SVOPL: variants seen among roughly 807,000 people sequenced by gnomAD.
SVOPL encodes SVOP like.
In SVOPL, 60 loss-of-function variants were observed where a neutral mutation model predicts 61.0. That is an observed-to-expected ratio of 0.98 (90% CI 0.80 to 1.22). The LOEUF (loss-of-function observed/expected upper bound fraction) is 1.22, where lower values mean the gene tolerates loss of function less well. Among genes scored for constraint, SVOPL ranks in the 50% most tolerant of loss-of-function variants. The pLI, the probability that SVOPL is intolerant of heterozygous loss-of-function variation, is 0.00. For missense variants in SVOPL, 662 were observed against 643.9 expected, an observed-to-expected ratio of 1.03 and a Z score of -0.30; for synonymous variants, 279 against 250.0, an observed-to-expected ratio of 1.12 and a Z score of -1.09.
chr7:138,617,713 G>A (rs529598667), intron 14 of SVOPL, among the ~76,000 whole-genome samples: 20 of 152,274 alleles, frequency 1.3e-4, no homozygotes, highest in African/African-American at 4.6e-4. Context: ...GCACATGCCT[G>A]TAGTCCCAGC....
chr7:138,668,232 T>C (rs1445552471), intron 4 of SVOPL, among the ~76,000 whole-genome samples: 1 of 152,118 alleles, frequency 6.6e-6, no homozygotes, highest in Non-Finnish European at 1.5e-5. Flanking sequence ...CTCACTGACC[T>C]TCCCCCACCC....
chr7:138,596,652 G>A, intron 14 of SVOPL, 122 bp from the exon 15 acceptor site: 1 of 1,425,814 alleles, frequency 7.0e-7, no homozygotes. Context: ...CATTCTACAG[G>A]TTGTACCTTC....
intron 14 of SVOPL, among the ~76,000 whole-genome samples, chr7:138,597,641 CGTGTGTGTGTGTGTGT>C (rs60875635): frequency 2.0e-5 from 3 of 147,618 alleles, no homozygotes; most frequent in Admixed American, 6.8e-5. Flanking sequence ...ATAACGTCTG[CGTGTGTGTGTGTGTGT>C]GTGTGTGTGT....
chr7:138,611,852 G>C (rs1217281425), intron 14 of SVOPL, among the ~76,000 whole-genome samples: 43 of 68,004 alleles, frequency 6.3e-4, no homozygotes, highest in East Asian at 1.3e-3. Context: ...CCAAAGTGCC[G>C]AGATTGCAGC....
chr7:138,640,444 T>C (rs1470016221), intron 9 of SVOPL, among the ~76,000 whole-genome samples: 1 of 152,072 alleles, frequency 6.6e-6, no homozygotes, highest in Non-Finnish European at 1.5e-5. Flanking sequence ...TTGGTCAGGC[T>C]GGTCTGAAAC....
intron 4 of SVOPL, chr7:138,664,285 G>C (rs1468580547): frequency 2.1e-6 from 2 of 971,672 alleles, no homozygotes; most frequent in African/African-American, 3.6e-5. Context: ...AGCTCCCATC[G>C]GGCACGCGCC....
At chr7:138,626,111 C>CCT in intron 12 of SVOPL, 61 bp from the exon 13 acceptor site, 1 of 1,521,980 alleles carries the variant, frequency 6.6e-7, no homozygotes, top group Non-Finnish European at 9.1e-7. Context: ...CCTCCAGTGG[C>CCT]CCAGCTTCGA....
At chr7:138,651,662 C>G (rs1453822738) in intron 7 of SVOPL, among the ~76,000 whole-genome samples, 1 of 152,106 alleles carries the variant, frequency 6.6e-6, no homozygotes, top group East Asian at 1.9e-4. Flanking sequence ...CCATGATTTT[C>G]TATGTATCTT....
At chr7:138,621,886 C>CTGTCTATCTATGTATCTATG (rs1799598331) in intron 13 of SVOPL, among the ~76,000 whole-genome samples, 2 of 38,840 alleles carry the variant, frequency 5.1e-5, no homozygotes, top group African/African-American at 1.9e-4. Context: ...ATCTATCTAT[C>CTGTCTATCTATGTATCTATG]TATCTATCTA....
intron 7 of SVOPL, among the ~76,000 whole-genome samples, chr7:138,654,883 TTTA>T (rs56411008): frequency 0.17 from 23,919 of 144,086 alleles, 2,050 homozygotes; most frequent in African/African-American, 0.23. Flanking sequence ...TTTTTTTTTT[TTTA>T]AAAAAAAAAA....
intron 14 of SVOPL, among the ~76,000 whole-genome samples, chr7:138,618,786 C>A (rs34492435): frequency 6.6e-6 from 1 of 151,100 alleles, no homozygotes; most frequent in African/African-American, 2.4e-5. Flanking sequence ...AGGAAGGAAA[C>A]AGAAAGATAG....
intron 8 of SVOPL, among the ~76,000 whole-genome samples, chr7:138,645,107 T>A (rs1584825618): frequency 6.6e-6 from 1 of 152,066 alleles, no homozygotes; most frequent in East Asian, 1.9e-4. Context: ...CCCAACCTAG[T>A]TGTTGACATA....
intron 1 of SVOPL, among the ~76,000 whole-genome samples, chr7:138,690,487 C>T (rs1018011326): frequency 9.9e-5 from 15 of 152,216 alleles, no homozygotes; most frequent in Admixed American, 4.6e-4. Flanking sequence ...AGTTCTGATA[C>T]TTGCTGCATG....
In SVOPL at chr7:138,677,421, T is replaced by A. The variant is rs530238148; in HGVS notation, c.174+1013A>T. Among the ~76,000 whole-genome samples, 8 of 152,318 alleles carry A rather than the reference T, an allele frequency of 5.3e-5. No homozygotes were observed. The South Asian group carries it at 1.7e-3, about 32-fold the overall frequency. The stretch of plus-strand genomic sequence containing the variant: ...ATAAATTCTCATCAGATGGGTTTTA[T>A]TAACCCTATAGATCGTGACTTACTT... On this transcript the variant is annotated intron_variant, in intron 3 of 15. Transcript: ENST00000674285.
chr7:138,683,787 C>T (rs1802748510), intron 1 of SVOPL, among the ~76,000 whole-genome samples: 1 of 151,974 alleles, frequency 6.6e-6, no homozygotes, highest in African/African-American at 2.4e-5. Flanking sequence ...GGCACAATGG[C>T]TCATGTCTGT....
intron 13 of SVOPL, among the ~76,000 whole-genome samples, chr7:138,621,852 ATCTATCTATCTATC>A (rs1799590553): frequency 1.2e-5 from 1 of 81,268 alleles, no homozygotes; most frequent in Non-Finnish European, 2.7e-5. Context: ...CTATGTATCT[ATCTATCTATCTATC>A]TATCTATCTA....
At chr7:138,626,144 C>T in intron 12 of SVOPL, 94 bp from the exon 13 acceptor site, 6 of 1,226,798 alleles carry the variant, frequency 4.9e-6, no homozygotes, top group South Asian at 1.3e-5. Flanking sequence ...TGCTGAGATA[C>T]AATCACAGAT....
At chr7:138,678,815 C>G in intron 2 of SVOPL, 149 bp downstream of exon 2, 1 of 798,238 alleles carries the variant, frequency 1.3e-6, no homozygotes, top group South Asian at 1.8e-5. Flanking sequence ...AGTGATCCAC[C>G]TGCCTCGGCC....
Position 138,594,475 on chromosome 7 carries a change from A to C in SVOPL, c.*135T>G. On this transcript the variant is annotated 3_prime_UTR_variant, in exon 16 of 16. Transcript: ENST00000674285. ...ACAGTTACCTACCCCATTCCCATAT[A>C]TGCCTTTAAAAAAAAAATCACTTTA... 6.5e-6 allele frequency: 4 copies of C among 616,870 alleles called. No homozygotes were observed. Among genetic ancestry groups the C allele is most frequent in the Non-Finnish European group, 1.1e-5 (4 of 371,716 alleles). The allele number at this position is 616,870 out of a possible 1,614,324, so 38.2% of individuals were successfully genotyped here.
Sources: gnomAD v4.1 joint callset for allele counts (sites outside exome capture counted in the v4.1 genomes callset) on GRCh38, gnomAD v4.1.1 for gene constraint, MANE v1.5 for transcripts, NCBI Gene and HGNC (gene_info 2026-07-23, HGNC 2026-07-21) for gene names.